Variants in GLCCI1 observed in about 807,000 individuals in gnomAD.
GLCCI1 encodes the protein glucocorticoid-induced transcript 1 protein.
Under a neutral mutation model 52.2 loss-of-function variants are expected in GLCCI1, and 24 were observed. The ratio of observed to expected loss-of-function variants is 0.46; its 90% CI spans 0.33 to 0.65. The LOEUF (loss-of-function observed/expected upper bound fraction) is 0.65. GLCCI1 is among the 30% of genes least tolerant of loss of function. The probability of loss-of-function intolerance (pLI) is 0.02; values close to 1 mark genes in which losing one functional copy is unlikely to be tolerated. For synonymous variants in GLCCI1, 310 were observed against 276.5 expected, an observed-to-expected ratio of 1.12 and a Z score of -1.20; for missense variants, 704 against 701.5, an observed-to-expected ratio of 1.00 and a Z score of -0.04.
At chr7:7,993,670 A>G (rs1041946393) in intron 1 of GLCCI1, among the ~76,000 whole-genome samples, 2 of 152,120 alleles carry the variant, frequency 1.3e-5, no homozygotes, top group African/African-American at 2.4e-5. Context: ...ACTATGGCCC[A>G]ATACTTTTTT....
At position 8,021,185 on chromosome 7, in the gene GLCCI1, C is replaced by A. The variant is rs73674771; in HGVS notation, c.610-1298C>A. On this transcript the variant is annotated intron_variant, in intron 2 of 7. Transcript: ENST00000223145. ...AAAAGTTTTCCACAAGCATTTTGAACTGTAAAATAGAACTGATGACTTCTT... is the reference window on the plus strand; with the variant it reads ...AAAAGTTTTCCACAAGCATTTTGAAATGTAAAATAGAACTGATGACTTCTT... Among the ~76,000 whole-genome samples the A allele has an allele frequency of 3.5e-3, 537 of 152,206 alleles. 2 individuals carry two copies. Among genetic ancestry groups the A allele is most frequent in the African/African-American group, 0.012 (499 of 41,548 alleles).
Position 8,086,328 on chromosome 7 carries a change from G to C in GLCCI1, c.1434G>C (p.Lys478Asn). ...TACCTGCTTCTGACCTTATGCTCAA[G>C]AACTCCCCTAACTCTGGCCAGAGCT... Reference protein sequence around the residue: ...PLLPASDLMLKNSPNSGQSSA... With the variant: ...PLLPASDLMLNNSPNSGQSSA... The change falls in exon 8 of 8, where the codon AAG (lysine) becomes AAC (asparagine). Residue 478 changes from lysine (K) to asparagine (N), a missense_variant. By Grantham distance (94) the Lys-to-Asn change is moderately conservative. Transcript: ENST00000223145. This position sits in a 1 kb window ranked among gnomAD's most constrained non-coding sequence, Gnocchi z 4.4. 6.2e-7 allele frequency: 1 copy of C among 1,614,042 alleles called. No individual in the cohort carries two copies. Among genetic ancestry groups the C allele is most frequent in the South Asian group, 1.1e-5 (1 of 91,078 alleles).
Position 8,085,026 on chromosome 7 carries a change from T to C in GLCCI1, c.1298+9T>C. On this transcript the variant is annotated intron_variant, in intron 7 of 7. Coordinates refer to ENST00000223145, the MANE Select transcript of GLCCI1 (RefSeq NM_138426.4). ...GTCTTTGAGGAAATGGCGTAAGTAA[T>C]GTCTTTTTTGTCAGCTGGGATCTGC... 6.2e-7 allele frequency: 1 copy of C among 1,613,370 alleles called. No homozygotes were observed. The highest frequency in any genetic ancestry group is 8.5e-7 in the Non-Finnish European group (1 of 1,179,784).
At chr7:8,077,963 G>C (rs150242105) in intron 6 of GLCCI1, among the ~76,000 whole-genome samples, 8 of 152,196 alleles carry the variant, frequency 5.3e-5, no homozygotes, top group South Asian at 4.1e-4. Flanking sequence ...GGCCGGGCGC[G>C]GTGGCTCACG....
chr7:8,073,155 A>G (rs1782800464), intron 6 of GLCCI1, among the ~76,000 whole-genome samples: 1 of 152,166 alleles, frequency 6.6e-6, no homozygotes. Flanking sequence ...TTGGGACCAT[A>G]GGAATGCATT....
Position 8,086,084 on chromosome 7 carries a change from C to A in GLCCI1, c.1299-109C>A. ...ACCCCTCTGTATACACTTAACCCATCTCCTGCCATTTACATTTTAGCTGTT... is the reference window on the plus strand; with the variant it reads ...ACCCCTCTGTATACACTTAACCCATATCCTGCCATTTACATTTTAGCTGTT... On this transcript the variant is annotated intron_variant, in intron 7 of 7. Coordinates refer to ENST00000223145, the MANE Select transcript of GLCCI1 (RefSeq NM_138426.4). The surrounding 1 kb of genome is among the most constrained non-coding windows in gnomAD (Gnocchi z 4.4). The A allele has an allele frequency of 1.1e-6, 1 of 912,662 alleles. No individual in the cohort carries two copies. Among genetic ancestry groups the A allele is most frequent in the Non-Finnish European group, 1.7e-6 (1 of 597,286 alleles). 56.5% of individuals were successfully genotyped at this position (912,662 alleles called of 1,614,324 possible). A position where few individuals can be genotyped will look rare whatever the true frequency, so the allele number is the denominator to read the frequency against.
intron 3 of GLCCI1, among the ~76,000 whole-genome samples, chr7:8,050,724 C>T (rs1489686895): frequency 6.6e-6 from 1 of 152,174 alleles, no homozygotes; most frequent in Non-Finnish European, 1.5e-5. Flanking sequence ...GAGTTGTTAA[C>T]TTCATTCTTC....
chr7:7,987,491 A>G (rs1780758248), intron 1 of GLCCI1, among the ~76,000 whole-genome samples: 1 of 152,164 alleles, frequency 6.6e-6, no homozygotes, highest in South Asian at 2.1e-4. Context: ...TCAGGATCTC[A>G]TTGCCCACCA....
intron 2 of GLCCI1, among the ~76,000 whole-genome samples, chr7:8,006,850 C>G (rs1207607728): frequency 6.6e-6 from 1 of 152,230 alleles, no homozygotes; most frequent in Non-Finnish European, 1.5e-5. Context: ...ACAATCTATT[C>G]TGTACTTTAA....
intron 3 of GLCCI1, among the ~76,000 whole-genome samples, chr7:8,028,737 A>C (rs1781682262): frequency 6.6e-6 from 1 of 152,072 alleles, no homozygotes; most frequent in South Asian, 2.1e-4. Flanking sequence ...AAAAAAAAAG[A>C]ATACCCAAAT....
chr7:8,031,067 A>G (rs922503067), intron 3 of GLCCI1, among the ~76,000 whole-genome samples: 3 of 152,138 alleles, frequency 2.0e-5, no homozygotes, highest in South Asian at 2.1e-4. Flanking sequence ...AAATCAGGAT[A>G]TTGAAGAGAT....
At chr7:8,071,834 T>G (rs577241830) in intron 6 of GLCCI1, among the ~76,000 whole-genome samples, 2 of 152,224 alleles carry the variant, frequency 1.3e-5, no homozygotes, top group East Asian at 1.9e-4. Context: ...ACTGAACTTA[T>G]GTTTATAACA....
At chr7:8,053,479 C>T (rs1468742695) in intron 3 of GLCCI1, among the ~76,000 whole-genome samples, 3 of 150,642 alleles carry the variant, frequency 2.0e-5, no homozygotes, top group African/African-American at 2.4e-5. Flanking sequence ...CACACCACCA[C>T]GTCTGGCTAA....
chr7:8,036,132 A>G (rs1248596189), intron 3 of GLCCI1, among the ~76,000 whole-genome samples: 1 of 152,196 alleles, frequency 6.6e-6, no homozygotes, highest in Non-Finnish European at 1.5e-5. Flanking sequence ...TAAATTGCAC[A>G]ACCCAATACA....
At chr7:8,070,669 G>A (rs930327591) in intron 5 of GLCCI1, 1 of 359,654 alleles carries the variant, frequency 2.8e-6, no homozygotes, top group East Asian at 5.6e-5. Flanking sequence ...TTTGTGGGAT[G>A]TGCTGACCTA....
intron 6 of GLCCI1, among the ~76,000 whole-genome samples, chr7:8,072,103 A>G (rs1467308213): frequency 2.0e-5 from 3 of 152,120 alleles, no homozygotes; most frequent in African/African-American, 7.2e-5. Context: ...TTATTATCCC[A>G]CAAGGCTCCC....
chr7:8,047,686 G>A (rs1157087571), intron 3 of GLCCI1, among the ~76,000 whole-genome samples: 1 of 152,160 alleles, frequency 6.6e-6, no homozygotes, highest in Non-Finnish European at 1.5e-5. Flanking sequence ...ACTTCTTAAA[G>A]AGCTTAAGAG....
intron 1 of GLCCI1, among the ~76,000 whole-genome samples, chr7:7,998,373 G>A (rs1426761880): frequency 1.3e-5 from 2 of 151,754 alleles, no homozygotes; most frequent in African/African-American, 4.8e-5. Context: ...CCTCCACCAC[G>A]CCCAGCTAAT....
At chr7:8,059,862 A>G (rs1782476191) in intron 4 of GLCCI1, among the ~76,000 whole-genome samples, 1 of 152,248 alleles carries the variant, frequency 6.6e-6, no homozygotes, top group African/African-American at 2.4e-5. Flanking sequence ...TTATACAGGT[A>G]TACCTTTATA....
Sources: allele counts gnomAD v4.1 joint callset (sites outside exome capture counted in the v4.1 genomes callset), GRCh38; gene constraint gnomAD v4.1.1; non-coding constraint Gnocchi (gnomAD v3.1); transcripts MANE v1.5; gene names NCBI Gene and HGNC (gene_info 2026-07-23, HGNC 2026-07-21).